NMNAT2: variants seen among roughly 807,000 people sequenced by gnomAD.
NMNAT2 encodes the protein nicotinamide nucleotide adenylyltransferase 2, also known as nicotinamide/nicotinic acid mononucleotide adenylyltransferase 2.
A neutral mutation model predicts 41.6 loss-of-function variants in NMNAT2; 11 were observed. That is an observed-to-expected ratio of 0.26 (90% confidence interval 0.17 to 0.44). The LOEUF is 0.44. Among genes scored for constraint, NMNAT2 ranks in the 20% least tolerant of loss-of-function variants. NMNAT2 has a pLI of 1.00. For synonymous variants in NMNAT2, 148 were observed against 151.2 expected (o/e 0.98, Z 0.16); for missense variants, 288 against 407.7 (o/e 0.71, Z 2.53).
At chr1:183,408,475 C>T (rs557053166) in intron 1 of NMNAT2, among the ~76,000 whole-genome samples, 7 of 152,002 alleles carry the variant, frequency 4.6e-5, no homozygotes, top group Non-Finnish European at 8.8e-5. Flanking sequence ...CTTAAAAAAT[C>T]GGGTAGCTGT....
At chr1:183,385,578 A>G (rs1648212403) in intron 1 of NMNAT2, among the ~76,000 whole-genome samples, 1 of 152,170 alleles carries the variant, frequency 6.6e-6, no homozygotes, top group African/African-American at 2.4e-5. Flanking sequence ...GCCATGTGAT[A>G]TAAACAGACA....
chr1:183,416,545 C>A (rs559166193), intron 1 of NMNAT2, among the ~76,000 whole-genome samples: 1 of 152,312 alleles, frequency 6.6e-6, no homozygotes, highest in African/African-American at 2.4e-5. Flanking sequence ...ATGACATGCT[C>A]TTGTCTACCC....
At chr1:183,292,314 C>T (rs1286410317) in intron 3 of NMNAT2, among the ~76,000 whole-genome samples, 1 of 152,224 alleles carries the variant, frequency 6.6e-6, no homozygotes, top group Admixed American at 6.5e-5. Context: ...TTTGGTGTGG[C>T]TGCCCTTAGG....
intron 1 of NMNAT2, among the ~76,000 whole-genome samples, chr1:183,329,154 G>T (rs905022321): frequency 3.3e-5 from 5 of 152,240 alleles, no homozygotes; most frequent in African/African-American, 1.2e-4. Context: ...GGGGGTTCAT[G>T]ATTTCTATCC....
intron 8 of NMNAT2, among the ~76,000 whole-genome samples, chr1:183,263,138 C>G (rs1404937733): frequency 2.0e-5 from 3 of 152,206 alleles, no homozygotes; most frequent in African/African-American, 7.2e-5. Flanking sequence ...AAACTTGCAG[C>G]TGGAGCTCTG....
intron 10 of NMNAT2, among the ~76,000 whole-genome samples, chr1:183,257,249 T>A (rs1229162022): frequency 1.3e-5 from 2 of 152,014 alleles, no homozygotes; most frequent in South Asian, 4.1e-4. Context: ...AAGACCAGCC[T>A]GGCCAACATA....
chr1:183,275,605 G>C (rs1661101611), intron 8 of NMNAT2, among the ~76,000 whole-genome samples: 4 of 151,660 alleles, frequency 2.6e-5, no homozygotes, highest in African/African-American at 7.3e-5. Flanking sequence ...GCTAGGATGG[G>C]TGTCCTGGGA....
At chr1:183,377,332 T>C (rs1663702001) in intron 1 of NMNAT2, among the ~76,000 whole-genome samples, 1 of 152,060 alleles carries the variant, frequency 6.6e-6, no homozygotes, top group South Asian at 2.1e-4. Context: ...ACCTCCATGC[T>C]GTCAAGCATC....
chr1:183,304,957 C>A, intron 1 of NMNAT2: 2 of 1,137,240 alleles, frequency 1.8e-6, no homozygotes, highest in South Asian at 1.7e-5. Context: ...CTGAGAGAAC[C>A]TCTCATATGC....
At chr1:183,302,753 A>G (rs891732399) in intron 1 of NMNAT2, among the ~76,000 whole-genome samples, 7 of 152,216 alleles carry the variant, frequency 4.6e-5, no homozygotes, top group African/African-American at 1.7e-4. Flanking sequence ...TAGGCAAAGG[A>G]GAGCCTGCCT....
intron 1 of NMNAT2, among the ~76,000 whole-genome samples, chr1:183,325,945 G>C (rs770405761): frequency 1.5e-4 from 23 of 152,164 alleles, no homozygotes; most frequent in South Asian, 8.3e-4. Context: ...CCATGTCCCT[G>C]CCACGAGTTT....
intron 1 of NMNAT2, among the ~76,000 whole-genome samples, chr1:183,371,606 T>C (rs1401139505): frequency 6.6e-6 from 1 of 152,136 alleles, no homozygotes; most frequent in East Asian, 1.9e-4. Flanking sequence ...TCAATTTTAC[T>C]GTGAAACTAA....
chr1:183,391,042 C>T (rs1414348128), intron 1 of NMNAT2, among the ~76,000 whole-genome samples: 1 of 152,134 alleles, frequency 6.6e-6, no homozygotes, highest in Non-Finnish European at 1.5e-5. Flanking sequence ...GATAGGGCCA[C>T]CTGGTATTTT....
rs1022935945 is a variant in NMNAT2, at chr1:183,336,292, T to C, written c.86-42499A>G. Among the ~76,000 whole-genome samples, 47 of 152,294 alleles carry C rather than the reference T, an allele frequency of 3.1e-4. 1 individual carries two copies. The highest frequency in any genetic ancestry group is 1.0e-3 in the African/African-American group (43 of 41,574). ...AACGGACATTTCACAAAAGAAGATA[T>C]ATATAAGTGGCCAATAACCACATGA... On this transcript the variant is annotated intron_variant, in intron 1 of 10. Transcript: ENST00000287713.
chr1:183,258,132 A>G (rs1376497426), intron 10 of NMNAT2, among the ~76,000 whole-genome samples: 2 of 152,222 alleles, frequency 1.3e-5, no homozygotes, highest in Non-Finnish European at 2.9e-5. Flanking sequence ...AGAGGCACCA[A>G]CAGGTATAAA....
chr1:183,284,056 G>A lies in NMNAT2; in HGVS notation c.530-17C>T, dbSNP rs1022488409. The stretch of plus-strand genomic sequence containing the variant: ...CATTCTCATCTAAGGAGGAAAGAAG[G>A]AAGGTAGGGCATTAGGGAACAGGCT... On this transcript the variant is annotated splice_polypyrimidine_tract_variant and intron_variant, in intron 6 of 10. Coordinates refer to ENST00000287713, the MANE Select transcript of NMNAT2 (RefSeq NM_015039.4). 1.9e-6 allele frequency: 3 copies of A among 1,601,578 alleles called. No individual in the cohort carries two copies. The highest frequency in any genetic ancestry group is 2.6e-6 in the Non-Finnish European group (3 of 1,172,388).
chr1:183,416,942 C>T (rs532207960), intron 1 of NMNAT2, among the ~76,000 whole-genome samples: 1 of 152,308 alleles, frequency 6.6e-6, no homozygotes, highest in Admixed American at 6.5e-5. Flanking sequence ...AGCACCGCCG[C>T]CTCTGGAGAG....
Position 183,341,725 on chromosome 1 carries a change from C to CAAAAAAAAAAAAA in NMNAT2, c.86-47945_86-47933dup, listed in dbSNP as rs762935303. On this transcript the variant is annotated intron_variant, in intron 1 of 10. Transcript: ENST00000287713. ...GAGGAAAAGACAAACAAACAAACAC[C>CAAAAAAAAAAAAA]AAAAAAAAAAAAAAAAAAAAAACCT... Among the ~76,000 whole-genome samples, 184 of 22,178 alleles carry CAAAAAAAAAAAAA rather than the reference C, an allele frequency of 8.3e-3. 19 individuals are homozygous for CAAAAAAAAAAAAA. Among genetic ancestry groups the CAAAAAAAAAAAAA allele is most frequent in the African/African-American group, 0.02 (125 of 6,218 alleles). 14.5% of individuals were successfully genotyped at this position (22,178 alleles called of 152,430 possible).
chr1:183,343,129 C>G (rs542158948), intron 1 of NMNAT2, among the ~76,000 whole-genome samples: 34 of 152,244 alleles, frequency 2.2e-4, no homozygotes, highest in African/African-American at 7.0e-4. Context: ...AGATGTCACC[C>G]CTGGGCCTTT....
Sources: allele counts gnomAD v4.1 joint callset (sites outside exome capture counted in the v4.1 genomes callset), GRCh38; gene constraint gnomAD v4.1.1; transcripts MANE v1.5; gene names NCBI Gene and HGNC (gene_info 2026-07-23, HGNC 2026-07-21).